Variants in ATF7 observed in about 807,000 individuals in gnomAD.
The protein encoded by ATF7 is cyclic AMP-dependent transcription factor ATF-7.
Under a neutral mutation model 50.4 loss-of-function variants are expected in ATF7, and 10 were observed. The observed-to-expected ratio is 0.20, with a 90% confidence interval of 0.12 to 0.34. ATF7 has a LOEUF of 0.34. Ranked by LOEUF, ATF7 falls within the 10% of genes least tolerant of loss-of-function variation. ATF7 has a pLI of 1.00. For missense variants in ATF7, 465 were observed against 613.9 expected (o/e 0.76, Z 2.56); for synonymous variants, 201 against 226.4 (o/e 0.89, Z 1.01).
chr12:53,604,035 A>C (rs1393685732), intron 1 of ATF7, among the ~76,000 whole-genome samples: 2 of 152,194 alleles, frequency 1.3e-5, no homozygotes, highest in African/African-American at 4.8e-5. Flanking sequence ...TGGGCATGGC[A>C]CTCAGTGTGT....
intron 4 of ATF7, 87 bp downstream of exon 4, chr12:53,543,243 A>T: frequency 6.4e-7 from 1 of 1,551,356 alleles, no homozygotes; most frequent in Non-Finnish European, 8.7e-7. Flanking sequence ...TTGTGTTTTA[A>T]CCAATTAAGA....
chr12:53,527,757 A>G (rs1182791007), intron 9 of ATF7, among the ~76,000 whole-genome samples: 1 of 152,058 alleles, frequency 6.6e-6, no homozygotes, highest in Non-Finnish European at 1.5e-5. Flanking sequence ...CCAGAGTGAC[A>G]GAGTGAGACT....
Position 53,599,471 on chromosome 12 carries a change from C to CTATATA in ATF7, c.48+1476_48+1481dup, listed in dbSNP as rs113534987. 1.3e-3 allele frequency among the ~76,000 whole-genome samples: 194 copies of CTATATA among 147,660 alleles called. 2 individuals carry two copies. The East Asian group carries it at 0.028, about 21-fold the overall frequency. ...ATATAAATGGAGATATATATATATT[C>CTATATA]TATATATATATATGAAATCACATGG... On this transcript the variant is annotated intron_variant, in intron 2 of 11. Coordinates refer to ENST00000420353, the MANE Select transcript of ATF7 (RefSeq NM_006856.3).
chr12:53,601,545 C>G (rs1943405522), intron 1 of ATF7, among the ~76,000 whole-genome samples: 1 of 151,960 alleles, frequency 6.6e-6, no homozygotes, highest in African/African-American at 2.4e-5. Flanking sequence ...ACAAAGCACC[C>G]ATCCTATTGG....
intron 2 of ATF7, among the ~76,000 whole-genome samples, chr12:53,555,617 T>A (rs1349245626): frequency 2.0e-5 from 3 of 147,900 alleles, no homozygotes; most frequent in Non-Finnish European, 4.4e-5. Context: ...TTCAAGTGAT[T>A]CTCCTGCCCT....
At chr12:53,599,126 G>T (rs1229991488) in intron 2 of ATF7, among the ~76,000 whole-genome samples, 2 of 152,082 alleles carry the variant, frequency 1.3e-5, no homozygotes, top group East Asian at 3.9e-4. Flanking sequence ...TGAACTCCTG[G>T]ACTCTCAAGT....
intron 2 of ATF7, among the ~76,000 whole-genome samples, chr12:53,574,231 TAAGA>T (rs1941931190): frequency 1.3e-5 from 2 of 152,176 alleles, no homozygotes; most frequent in South Asian, 4.1e-4. Flanking sequence ...ATGAAAATTC[TAAGA>T]AAGAATAAAA....
intron 9 of ATF7, among the ~76,000 whole-genome samples, chr12:53,530,900 C>T (rs1242972620): frequency 6.6e-6 from 1 of 152,130 alleles, no homozygotes; most frequent in African/African-American, 2.4e-5. Context: ...TGAGCCACCT[C>T]ACCCAGCCTA....
chr12:53,524,841 G>T lies in ATF7; in HGVS notation c.928-80C>A. 8.0e-7 allele frequency: 1 copy of T among 1,254,938 alleles called. No homozygotes were observed. Among genetic ancestry groups the T allele is most frequent in the Non-Finnish European group, 1.1e-6 (1 of 929,300 alleles). The allele number at this position is 1,254,938 out of a possible 1,614,324, so 77.7% of individuals were successfully genotyped here. Reference sequence around the variant, plus strand: ...ATCACACCTGATGTTAGGTAGAGTAGTAAGATCTGGTAAAAGGATATACCA... The same window carrying T: ...ATCACACCTGATGTTAGGTAGAGTATTAAGATCTGGTAAAAGGATATACCA... On this transcript the variant is annotated intron_variant, in intron 9 of 11. Coordinates refer to ENST00000420353, the MANE Select transcript of ATF7 (RefSeq NM_006856.3). The surrounding 1 kb of genome is among the most constrained non-coding windows in gnomAD (Gnocchi z 4.6).
intron 1 of ATF7, among the ~76,000 whole-genome samples, chr12:53,613,628 C>T (rs1943990522): frequency 6.6e-6 from 1 of 152,014 alleles, no homozygotes; most frequent in South Asian, 2.1e-4. Flanking sequence ...TCAAGTGATC[C>T]TCCTACCTAA....
downstream of ATF7, among the ~76,000 whole-genome samples, chr12:53,509,300 T>C (rs1377512474): frequency 6.6e-6 from 1 of 152,126 alleles, no homozygotes; most frequent in Non-Finnish European, 1.5e-5. Flanking sequence ...TGTGATTGCC[T>C]CATGTGCCCC....
At chr12:53,521,586 C>T (rs1938133821) in intron 11 of ATF7, among the ~76,000 whole-genome samples, 1 of 152,136 alleles carries the variant, frequency 6.6e-6, no homozygotes, top group South Asian at 2.1e-4. Context: ...ATTCAAAAGC[C>T]ACCTAATCTA....
chr12:53,601,032 G>C lies in ATF7; in HGVS notation c.-21-11C>G. ...TATAGCAGAGAGGAGCTGAGGAGGG[G>C]GAGGTGAGGGAAAAAGTTATGTTAA... On this transcript the variant is annotated splice_polypyrimidine_tract_variant and intron_variant, in intron 1 of 11. Transcript: ENST00000420353. The C allele has an allele frequency of 6.3e-7, 1 of 1,597,420 alleles. No individual in the cohort carries two copies. The highest frequency in any genetic ancestry group is 1.8e-5 in the Admixed American group (1 of 56,816).
chr12:53,620,408 C>G (rs145343026), intron 1 of ATF7, among the ~76,000 whole-genome samples: 1 of 151,244 alleles, frequency 6.6e-6, no homozygotes, highest in African/African-American at 2.4e-5. Flanking sequence ...AACCCCGTCT[C>G]TACTAAAAAT....
At chr12:53,523,421 T>G in intron 10 of ATF7, 37 bp from the exon 11 acceptor site, 1 of 1,470,590 alleles carries the variant, frequency 6.8e-7, no homozygotes, top group South Asian at 1.1e-5. Flanking sequence ...TCAAGAAAAT[T>G]CATCCTCTAC....
chr12:53,555,899 T>G (rs1241344656), intron 2 of ATF7, among the ~76,000 whole-genome samples: 1 of 152,102 alleles, frequency 6.6e-6, no homozygotes, highest in Non-Finnish European at 1.5e-5. Context: ...CACTGCAACC[T>G]CCACCTCCCG....
chr12:53,617,159 G>A (rs560224248), intron 1 of ATF7, among the ~76,000 whole-genome samples: 2 of 152,030 alleles, frequency 1.3e-5, no homozygotes, highest in Non-Finnish European at 2.9e-5. Flanking sequence ...AGTAGCTGGC[G>A]CTACAAACGC....
intron 2 of ATF7, among the ~76,000 whole-genome samples, chr12:53,579,033 AG>A: frequency 6.6e-6 from 1 of 152,234 alleles, no homozygotes; most frequent in East Asian, 1.9e-4. Context: ...ACCTGAGGTC[AG>A]GAATTCGAGA....
rs1480998649 is a variant in ATF7, at chr12:53,514,089, C to T, written c.*3048G>A. ...GGCATGACTTTTTTTTTGTTGGCCT[C>T]TCTAGTATTGTGGGAGGCTTTCTTA... On this transcript the variant is annotated 3_prime_UTR_variant, in exon 12 of 12. Coordinates refer to ENST00000420353, the MANE Select transcript of ATF7 (RefSeq NM_006856.3). 6.6e-6 allele frequency: 1 copy of T among 152,022 alleles called. No homozygotes were observed. Among genetic ancestry groups the T allele is most frequent in the Non-Finnish European group, 1.5e-5 (1 of 68,004 alleles). 9.4% of individuals were successfully genotyped at this position (152,022 alleles called of 1,614,324 possible).
Sources: gnomAD v4.1 joint callset for allele counts (sites outside exome capture counted in the v4.1 genomes callset) on GRCh38, gnomAD v4.1.1 for gene constraint, Gnocchi (gnomAD v3.1) non-coding constraint, MANE v1.5 for transcripts, NCBI Gene and HGNC (gene_info 2026-07-23, HGNC 2026-07-21) for gene names.